The following SNX8 variants were observed in gnomAD, a reference collection of about 807,000 sequenced individuals.
The protein encoded by SNX8 is sorting nexin-8.
SNX8 carries 25 observed loss-of-function variants against 51.6 expected under a neutral mutation model. The observed-to-expected ratio is 0.48, with a 90% CI of 0.35 to 0.68. The LOEUF (loss-of-function observed/expected upper bound fraction) is 0.68. Among genes scored for constraint, SNX8 ranks in the 30% least tolerant of loss-of-function variants. SNX8 has a pLI of 0.00. For synonymous variants in SNX8, 324 were observed against 277.0 expected (o/e 1.17, Z -1.68); for missense variants, 695 against 624.0 (o/e 1.11, Z -1.21).
chr7:2,263,349 C>A lies in SNX8; in HGVS notation c.796G>T (p.Asp266Tyr). ...GCCCAGGAGGGCAGCGGGGTCGTGT[C>A]AGACCCTATTGCACTGAGGGAGCAA... ...FGKELSAIGS[D>Y]TTPLPSWAAL... The change falls in exon 7 of 11, where the codon GAC (aspartate) becomes TAC (tyrosine). Residue 266 changes from aspartate (D) to tyrosine (Y), a missense_variant. By Grantham distance (160) the Asp-to-Tyr change is radical. Coordinates refer to ENST00000222990, the MANE Select transcript of SNX8 (RefSeq NM_013321.4). 1 of 1,604,554 alleles carries A rather than the reference C, an allele frequency of 6.2e-7. No homozygotes were observed. Among genetic ancestry groups the A allele is most frequent in the African/African-American group, 1.3e-5 (1 of 74,890 alleles).
rs1361725964 is a variant in SNX8, at chr7:2,252,639, G to GCCCTCCTGA, written c.*2408_*2416dup. On this transcript the variant is annotated 3_prime_UTR_variant, in exon 11 of 11. Coordinates refer to ENST00000222990, the MANE Select transcript of SNX8 (RefSeq NM_013321.4). ...TGCCCTCCAGCCCCCCCTTCACCCT[G>GCCCTCCTGA]CCCTCCTGACCCTCCCACCCCTGCC... is the stretch of plus-strand genomic sequence containing the variant. 3.8e-5 allele frequency: 3 copies of GCCCTCCTGA among 78,666 alleles called. No homozygotes were observed. Among genetic ancestry groups the GCCCTCCTGA allele is most frequent in the Non-Finnish European group, 7.6e-5 (3 of 39,542 alleles). 4.9% of individuals were successfully genotyped at this position (78,666 alleles called of 1,614,324 possible). A position where few individuals can be genotyped will look rare whatever the true frequency, so the allele number is the denominator to read the frequency against.
At chr7:2,351,900 T>C (rs1433689310) in intron 1 of SNX8, among the ~76,000 whole-genome samples, 1 of 114,066 alleles carries the variant, frequency 8.8e-6, no homozygotes, top group African/African-American at 2.8e-5. Flanking sequence ...TTGTTGTTGT[T>C]GTTGGTTTTT....
chr7:2,278,460 A>G (rs889286027), intron 1 of SNX8, among the ~76,000 whole-genome samples, 155 bp from the exon 2 acceptor site: 1 of 152,222 alleles, frequency 6.6e-6, no homozygotes, highest in African/African-American at 2.4e-5. Context: ...CCTAGGTAAT[A>G]TGGTGAGACC....
chr7:2,269,548 A>AAG lies in SNX8; in HGVS notation c.621+9_621+10dup. The AAG allele has an allele frequency of 6.7e-7, 1 of 1,501,868 alleles. No homozygotes were observed. Among genetic ancestry groups the AAG allele is most frequent in the Non-Finnish European group, 8.9e-7 (1 of 1,123,712 alleles). The allele number at this position is 1,501,868 out of a possible 1,614,324, so 93.0% of individuals were successfully genotyped here. ...TAAAAAAAAAAAAAAAGAAAAAAAA[A>AAG]AGAAAAATACCTTGGCCCTGGTAGC... On this transcript the variant is annotated intron_variant, in intron 5 of 10. Coordinates refer to ENST00000222990, the MANE Select transcript of SNX8 (RefSeq NM_013321.4).
At chr7:2,325,254 C>A (rs573250776) in intron 1 of SNX8, among the ~76,000 whole-genome samples, 2 of 152,158 alleles carry the variant, frequency 1.3e-5, no homozygotes. Flanking sequence ...AATCTTCCTG[C>A]CCCAGCCTCC....
intron 1 of SNX8, among the ~76,000 whole-genome samples, chr7:2,338,188 C>T (rs572389557): frequency 4.8e-4 from 73 of 152,114 alleles, no homozygotes; most frequent in Admixed American, 1.1e-3. Flanking sequence ...ATTGGCCAGG[C>T]GCGGTGGCTC....
intron 1 of SNX8, among the ~76,000 whole-genome samples, chr7:2,305,851 CAGG>C (rs1156395578): frequency 6.6e-6 from 1 of 151,890 alleles, no homozygotes; most frequent in South Asian, 2.1e-4. Context: ...GAGGCCGAAG[CAGG>C]AGAACTGCTT....
At chr7:2,277,058 C>T (rs1795797148) in intron 2 of SNX8, among the ~76,000 whole-genome samples, 1 of 152,246 alleles carries the variant, frequency 6.6e-6, no homozygotes, top group Non-Finnish European at 1.5e-5. Context: ...CAGGGCCGCC[C>T]TCTCCCACAC....
At chr7:2,344,312 T>C (rs780726364) in intron 1 of SNX8, among the ~76,000 whole-genome samples, 7 of 151,778 alleles carry the variant, frequency 4.6e-5, no homozygotes, top group Non-Finnish European at 7.4e-5. Flanking sequence ...TAAGACCTCC[T>C]CTCTATTTTA....
chr7:2,278,007 C>A, intron 2 of SNX8, 93 bp downstream of exon 2: 2 of 1,519,872 alleles, frequency 1.3e-6, no homozygotes, highest in Non-Finnish European at 1.8e-6. Flanking sequence ...CACCCTTCAG[C>A]CTTCTCCTGT....
intron 1 of SNX8, among the ~76,000 whole-genome samples, chr7:2,280,259 T>C (rs899671498): frequency 3.9e-5 from 6 of 152,182 alleles, no homozygotes; most frequent in Admixed American, 6.5e-5. Context: ...AGGAATAATG[T>C]TTAAAAAGTC....
intron 5 of SNX8, 81 bp from the exon 6 acceptor site, chr7:2,264,539 G>C: frequency 6.9e-7 from 1 of 1,446,358 alleles, no homozygotes; most frequent in Non-Finnish European, 9.4e-7. Flanking sequence ...TCCCCCAGAA[G>C]CTGAGCCACG....
At chr7:2,327,486 C>A (rs1778643256) in intron 1 of SNX8, among the ~76,000 whole-genome samples, 1 of 152,068 alleles carries the variant, frequency 6.6e-6, no homozygotes, top group Admixed American at 6.6e-5. Flanking sequence ...CGGCTCACTG[C>A]AAGCTCCGCA....
chr7:2,307,016 C>T (rs1796558427), intron 1 of SNX8, among the ~76,000 whole-genome samples: 1 of 152,102 alleles, frequency 6.6e-6, no homozygotes, highest in Non-Finnish European at 1.5e-5. Context: ...ATTTCCATAA[C>T]ACACAAACTT....
At chr7:2,296,655 G>T (rs1316650343) in intron 1 of SNX8, among the ~76,000 whole-genome samples, 2 of 152,024 alleles carry the variant, frequency 1.3e-5, no homozygotes, top group Non-Finnish European at 2.9e-5. Context: ...AAACAGCCGG[G>T]TGTGGTGGCT....
intron 3 of SNX8, among the ~76,000 whole-genome samples, chr7:2,274,104 CCAGCAT>C: frequency 1.3e-5 from 2 of 152,318 alleles, no homozygotes; most frequent in African/African-American, 4.8e-5. Flanking sequence ...CAGGCCTGAG[CCAGCAT>C]CACACATCCC....
chr7:2,257,147 G>A, intron 9 of SNX8, 124 bp from the exon 10 acceptor site: 2 of 1,278,428 alleles, frequency 1.6e-6, no homozygotes, highest in Non-Finnish European at 2.1e-6. Context: ...CCAGGCATTT[G>A]GAAGGTGGCG....
chr7:2,327,501 T>A, intron 1 of SNX8, among the ~76,000 whole-genome samples: 1 of 150,838 alleles, frequency 6.6e-6, no homozygotes. Flanking sequence ...TCCGCATCTC[T>A]GGTTCATGCC....
intron 1 of SNX8, among the ~76,000 whole-genome samples, chr7:2,320,547 C>A (rs1298556367): frequency 6.6e-6 from 1 of 152,062 alleles, no homozygotes; most frequent in African/African-American, 2.4e-5. Context: ...CAGCAAGACC[C>A]TGACTCTACA....
Sources: gnomAD v4.1 joint callset for allele counts (sites outside exome capture counted in the v4.1 genomes callset) on GRCh38, gnomAD v4.1.1 for gene constraint, MANE v1.5 for transcripts, NCBI Gene and HGNC (gene_info 2026-07-23, HGNC 2026-07-21) for gene names.